Variants in PALM2AKAP2 observed in about 807,000 individuals in gnomAD.
The protein encoded by PALM2AKAP2 is PALM2-AKAP2 fusion protein.
PALM2AKAP2 carries 37 observed loss-of-function variants against 71.5 expected under a neutral mutation model. The observed-to-expected ratio is 0.52, with a 90% confidence interval of 0.40 to 0.68. The LOEUF is 0.68. Among genes scored for constraint, PALM2AKAP2 ranks in the 30% least tolerant of loss-of-function variants. The probability of loss-of-function intolerance (pLI) is 0.00; values close to 1 mark genes in which losing one functional copy is unlikely to be tolerated. For synonymous variants in PALM2AKAP2, 468 were observed against 478.8 expected, an observed-to-expected ratio of 0.98 and a Z score of 0.29; for missense variants, 1,224 against 1,191.8, an observed-to-expected ratio of 1.03 and a Z score of -0.40.
At chr9:110,015,682 C>G (rs1832969007) in intron 6 of PALM2AKAP2, among the ~76,000 whole-genome samples, 1 of 152,152 alleles carries the variant, frequency 6.6e-6, no homozygotes, top group South Asian at 2.1e-4. Flanking sequence ...AGCCTCTTCT[C>G]CACCCTGGGC....
intron 1 of PALM2AKAP2, among the ~76,000 whole-genome samples, chr9:109,738,377 A>G (rs1828669090): frequency 6.6e-6 from 1 of 152,220 alleles, no homozygotes; most frequent in African/African-American, 2.4e-5. Flanking sequence ...AAAGTCATAC[A>G]GTTAGGAAAA....
At chr9:110,054,764 G>T (rs1036579842) in intron 1 of PALM2AKAP2, among the ~76,000 whole-genome samples, 2 of 152,060 alleles carry the variant, frequency 1.3e-5, no homozygotes, top group Non-Finnish European at 2.9e-5. Flanking sequence ...TAGAGACAGG[G>T]TCTCACTACA....
chr9:110,143,773 C>T (rs1396367573), intron 2 of PALM2AKAP2, among the ~76,000 whole-genome samples: 1 of 152,194 alleles, frequency 6.6e-6, no homozygotes, highest in African/African-American at 2.4e-5. Flanking sequence ...TCAGATCATT[C>T]ACCCCGTGAG....
intron 1 of PALM2AKAP2, among the ~76,000 whole-genome samples, chr9:109,801,685 G>A (rs558591555): frequency 1.3e-5 from 2 of 151,958 alleles, no homozygotes; most frequent in South Asian, 4.2e-4. Flanking sequence ...GGCCAGAGCT[G>A]GGCCAGCTGC....
chr9:109,711,613 G>T (rs1276621209), intron 1 of PALM2AKAP2, among the ~76,000 whole-genome samples: 2 of 152,238 alleles, frequency 1.3e-5, no homozygotes, highest in Admixed American at 6.5e-5. Flanking sequence ...TTAAAGGGGT[G>T]CACAGGCACC....
intron 7 of PALM2AKAP2, chr9:110,024,991 A>G: frequency 2.4e-6 from 3 of 1,256,832 alleles, no homozygotes; most frequent in Non-Finnish European, 1.2e-6. Context: ...AGTTGAACCC[A>G]GGTACCTTTC....
At chr9:109,989,240 C>T (rs1832433201) in intron 6 of PALM2AKAP2, among the ~76,000 whole-genome samples, 1 of 152,218 alleles carries the variant, frequency 6.6e-6, no homozygotes, top group Non-Finnish European at 1.5e-5. Flanking sequence ...AAGGGCCCCT[C>T]CCTTCCCACC....
At chr9:109,702,794 A>G (rs1587874232) in intron 1 of PALM2AKAP2, among the ~76,000 whole-genome samples, 1 of 150,300 alleles carries the variant, frequency 6.7e-6, no homozygotes, top group Middle Eastern at 3.5e-3. Context: ...ATGATGATGT[A>G]ACTTTTGTTT....
intron 1 of PALM2AKAP2, among the ~76,000 whole-genome samples, chr9:109,843,404 A>G (rs1828763404): frequency 6.6e-6 from 1 of 151,750 alleles, no homozygotes; most frequent in Non-Finnish European, 1.5e-5. Flanking sequence ...GATTTAACAC[A>G]TTATTTCATT....
At chr9:110,020,328 A>G (rs931439166) in intron 7 of PALM2AKAP2, among the ~76,000 whole-genome samples, 1 of 152,156 alleles carries the variant, frequency 6.6e-6, no homozygotes, top group East Asian at 1.9e-4. Context: ...CCATGATTGT[A>G]AGTTTCCCGA....
chr9:109,664,571 T>C (rs1827450119), intron 1 of PALM2AKAP2, among the ~76,000 whole-genome samples: 1 of 152,252 alleles, frequency 6.6e-6, no homozygotes. Context: ...GTTAGTCTGA[T>C]GGGCTTCCCT....
At chr9:109,895,863 C>G (rs780651526) in intron 3 of PALM2AKAP2, among the ~76,000 whole-genome samples, 23 of 152,122 alleles carry the variant, frequency 1.5e-4, no homozygotes, top group Admixed American at 3.9e-4. Flanking sequence ...TCCTTCTTTA[C>G]ATGGCAGCAG....
At chr9:109,827,875 G>C (rs1034691154) in intron 1 of PALM2AKAP2, among the ~76,000 whole-genome samples, 11 of 151,912 alleles carry the variant, frequency 7.2e-5, no homozygotes, top group African/African-American at 2.7e-4. Context: ...AAAACAAAAG[G>C]GAAAAAAGGT....
chr9:110,150,907 C>G (rs533608899), intron 2 of PALM2AKAP2, among the ~76,000 whole-genome samples: 58 of 152,328 alleles, frequency 3.8e-4, no homozygotes, highest in African/African-American at 1.3e-3. Context: ...AACCATTCCT[C>G]TAAGTTTGAG....
intron 3 of PALM2AKAP2, among the ~76,000 whole-genome samples, chr9:110,166,549 T>G (rs1390277859): frequency 6.6e-6 from 1 of 152,238 alleles, no homozygotes; most frequent in Non-Finnish European, 1.5e-5. Flanking sequence ...GGAAGCATGC[T>G]TTCCTCCTAC....
chr9:109,836,402 A>T (rs1828477783), intron 1 of PALM2AKAP2, among the ~76,000 whole-genome samples: 2 of 152,224 alleles, frequency 1.3e-5, no homozygotes, highest in African/African-American at 4.8e-5. Context: ...CAAAGACCAG[A>T]GGTAGATAAA....
chr9:109,646,420 T>A (rs1273671376), intron 1 of PALM2AKAP2, among the ~76,000 whole-genome samples: 1 of 152,232 alleles, frequency 6.6e-6, no homozygotes, highest in African/African-American at 2.4e-5. Context: ...CTGTAAGCCC[T>A]GGGGCTCTGA....
At position 109,961,068 on chromosome 9, in the gene PALM2AKAP2, T is replaced by C. The variant is rs930170866; in HGVS notation, c.496+29040T>C. 2.6e-5 allele frequency among the ~76,000 whole-genome samples: 4 copies of C among 152,208 alleles called. No homozygotes were observed. The East Asian group carries it at 7.7e-4, about 29-fold the overall frequency. On this transcript the variant is annotated intron_variant, in intron 6 of 9. Transcript: ENST00000302798. ...TGCATACTGCACAATCCTGGAAGGC[T>C]CCATTCACATCAAGTACAATGTGAA...
Position 110,130,296 on chromosome 9 carries a change from A to G in PALM2AKAP2, c.157-5831A>G, listed in dbSNP as rs1398530006. On this transcript the variant is annotated intron_variant, in intron 1 of 3. Transcript: ENST00000374525. ...GGAGTTCTGTTCTCAGCAGAATTCC[A>G]TAATTACAAAAAGTCTGGTAGGACT... 2.0e-5 allele frequency among the ~76,000 whole-genome samples: 3 copies of G among 152,256 alleles called. 1 individual carries two copies. The highest frequency in any genetic ancestry group is 4.1e-4 in the South Asian group (2 of 4,836).
Sources: allele counts gnomAD v4.1 joint callset (sites outside exome capture counted in the v4.1 genomes callset), GRCh38; gene constraint gnomAD v4.1.1; transcripts MANE v1.5; gene names NCBI Gene and HGNC (gene_info 2026-07-23, HGNC 2026-07-21).